KLHL5: variants seen among roughly 807,000 people sequenced by gnomAD.
KLHL5 encodes the protein kelch-like protein 5.
KLHL5 carries 48 observed loss-of-function variants against 77.7 expected under a neutral mutation model. That is an observed-to-expected ratio of 0.62 (90% CI 0.49 to 0.79). The LOEUF (loss-of-function observed/expected upper bound fraction) is 0.79. Ranked by LOEUF, KLHL5 falls within the 30% of genes least tolerant of loss-of-function variation. The pLI is 0.00. For missense variants in KLHL5, 723 were observed against 859.7 expected (o/e 0.84, Z 1.99); for synonymous variants, 260 against 297.0 (o/e 0.88, Z 1.28).
rs375740925 is a variant in KLHL5 at position 39,081,326 on chromosome 4, A to G, written c.703+87A>G. 2.3e-4 allele frequency: 263 copies of G among 1,164,166 alleles called. No individual in the cohort carries two copies. In the South Asian group the frequency reaches 4.5e-3, roughly 20 times the overall value. 72.1% of individuals were successfully genotyped at this position (1,164,166 alleles called of 1,614,324 possible). On this transcript the variant is annotated intron_variant, in intron 3 of 10. Coordinates refer to ENST00000504108, the MANE Select transcript of KLHL5 (RefSeq NM_015990.5). This position sits in a 1 kb window ranked among gnomAD's most constrained non-coding sequence, Gnocchi z 4.3. ...GATTTCTGTTTTTAGAAAGCATGCC[A>G]TAGCTAACAGTTAGTTCTGCTATTG...
intron 10 of KLHL5, chr4:39,116,176 C>A: frequency 3.5e-6 from 1 of 282,950 alleles, no homozygotes; most frequent in Non-Finnish European, 5.3e-6. Flanking sequence ...ACTAAAAATA[C>A]AAAAAAATTA....
chr4:39,110,047 C>T lies in KLHL5; in HGVS notation c.1688+2316C>T, dbSNP rs1722342102. 2.6e-5 allele frequency among the ~76,000 whole-genome samples: 4 copies of T among 152,166 alleles called. No homozygotes were observed. The South Asian group carries it at 8.3e-4, about 31-fold the overall frequency. On this transcript the variant is annotated intron_variant, in intron 8 of 10. Transcript: ENST00000504108. The stretch of plus-strand genomic sequence containing the variant: ...AATTGCTCAGGCTACCTTTAAGCCA[C>T]TGGCTGGCAAATATTTTTAGCAGTT...
intron 5 of KLHL5, among the ~76,000 whole-genome samples, chr4:39,095,085 C>A (rs757198544): frequency 3.3e-5 from 5 of 151,702 alleles, no homozygotes; most frequent in Non-Finnish European, 4.4e-5. Flanking sequence ...TAGAAAAATA[C>A]AATTGAAAAA....
intron 5 of KLHL5, among the ~76,000 whole-genome samples, chr4:39,090,839 A>G (rs1030774399): frequency 6.7e-6 from 1 of 149,482 alleles, no homozygotes; most frequent in Non-Finnish European, 1.5e-5. Flanking sequence ...GTCTCACTCT[A>G]TTTCCCAGGC....
At chr4:39,080,275 C>G (rs1034573455) in intron 2 of KLHL5, among the ~76,000 whole-genome samples, 2 of 152,108 alleles carry the variant, frequency 1.3e-5, no homozygotes, top group East Asian at 3.9e-4. Context: ...TCCTGTAATC[C>G]TAGCTCTTTG....
At chr4:39,119,658 G>A (rs1055977132) in intron 10 of KLHL5, among the ~76,000 whole-genome samples, 2 of 152,102 alleles carry the variant, frequency 1.3e-5, no homozygotes, top group African/African-American at 4.8e-5. Flanking sequence ...ATTTGTATAG[G>A]CACTAAAATG....
At chr4:39,119,126 C>A (rs879714878) in intron 10 of KLHL5, among the ~76,000 whole-genome samples, 15 of 152,166 alleles carry the variant, frequency 9.9e-5, no homozygotes, top group Non-Finnish European at 2.1e-4. Context: ...TAAGACCTAT[C>A]AGCCAGTTAT....
chr4:39,068,616 A>C (rs1034446328), intron 1 of KLHL5, among the ~76,000 whole-genome samples: 1 of 152,164 alleles, frequency 6.6e-6, no homozygotes. Flanking sequence ...AGTTCCCAGA[A>C]CTGCTGGGAA....
At chr4:39,049,985 G>A (rs1716512530) in intron 1 of KLHL5, among the ~76,000 whole-genome samples, 1 of 152,206 alleles carries the variant, frequency 6.6e-6, no homozygotes, top group Admixed American at 6.5e-5. Context: ...TGAGGCAGGA[G>A]AATCGCTTGA....
chr4:39,110,543 C>G (rs1228228847), intron 8 of KLHL5, among the ~76,000 whole-genome samples: 1 of 152,138 alleles, frequency 6.6e-6, no homozygotes, highest in Non-Finnish European at 1.5e-5. Flanking sequence ...ACTGCAGCCT[C>G]AACCTCCCTC....
Position 39,121,892 on chromosome 4 carries a change from T to C in KLHL5, c.*826T>C, listed in dbSNP as rs1723231410. 1 of 152,628 alleles carries C rather than the reference T, an allele frequency of 6.6e-6. No homozygotes were observed. Among genetic ancestry groups the C allele is most frequent in the South Asian group, 2.1e-4 (1 of 4,832 alleles). The allele number at this position is 152,628 out of a possible 1,614,324, so 9.5% of individuals were successfully genotyped here. On this transcript the variant is annotated 3_prime_UTR_variant, in exon 11 of 11. Coordinates refer to ENST00000504108, the MANE Select transcript of KLHL5 (RefSeq NM_015990.5). ...GATTTGTTTTATATTATAAAAGATG[T>C]TTTGATTTTGTCTTTTGATATTGAC...
intron 2 of KLHL5, among the ~76,000 whole-genome samples, chr4:39,079,827 AAATGAATG>A (rs529516918): frequency 1.3e-5 from 2 of 152,182 alleles, no homozygotes; most frequent in South Asian, 2.1e-4. Context: ...TTTGTTCATT[AAATGAATG>A]AATGAATGAA....
chr4:39,104,091 A>G (rs563173331), intron 7 of KLHL5, among the ~76,000 whole-genome samples: 6 of 152,146 alleles, frequency 3.9e-5, no homozygotes, highest in Non-Finnish European at 8.8e-5. Context: ...TCCCCCAAAT[A>G]ACAATAGAGA....
In KLHL5 at chr4:39,122,373, T is replaced by C. The variant is rs1234470583; in HGVS notation, c.*1307T>C. On this transcript the variant is annotated 3_prime_UTR_variant, in exon 11 of 11. Transcript: ENST00000504108. ...CTTATGAGGTAGTTCTATTCCCTTT[T>C]TATAGCTAAGGAAATTGGGGTACAG... Among the ~76,000 whole-genome samples the C allele has an allele frequency of 1.3e-5, 2 of 152,206 alleles. No individual in the cohort carries two copies. Among genetic ancestry groups the C allele is most frequent in the East Asian group, 1.9e-4 (1 of 5,202 alleles).
intron 1 of KLHL5, among the ~76,000 whole-genome samples, chr4:39,069,501 C>T (rs56218717): frequency 0.56 from 77,014 of 136,952 alleles, 22,553 homozygotes; most frequent in East Asian, 0.79. Context: ...CACACACACA[C>T]ATACATATTT....
chr4:39,075,161 A>G (rs1053452663), intron 1 of KLHL5, among the ~76,000 whole-genome samples: 3 of 152,070 alleles, frequency 2.0e-5, no homozygotes, highest in South Asian at 2.1e-4. Context: ...GAGAAACCCC[A>G]TCTCTACTAA....
At chr4:39,140,003 G>T in the KLHL5 span, among the ~76,000 whole-genome samples, 1 of 152,180 alleles carries the variant, frequency 6.6e-6, no homozygotes, top group Non-Finnish European at 1.5e-5. Context: ...GAAGCAGGCG[G>T]ATCACTTAAG....
chr4:39,140,024 C>G, the KLHL5 span, among the ~76,000 whole-genome samples: 2 of 152,070 alleles, frequency 1.3e-5, no homozygotes, highest in Non-Finnish European at 2.9e-5. Flanking sequence ...CTCAGGAGTT[C>G]GAGACCAGCC....
At chr4:39,136,671 C>T in the KLHL5 span, among the ~76,000 whole-genome samples, 5 of 152,248 alleles carry the variant, frequency 3.3e-5, no homozygotes, top group South Asian at 2.1e-4. Flanking sequence ...CAGCCTGGCC[C>T]GGACTGTCAG....
Sources: gnomAD v4.1 joint callset for allele counts (sites outside exome capture counted in the v4.1 genomes callset) on GRCh38, gnomAD v4.1.1 for gene constraint, Gnocchi (gnomAD v3.1) non-coding constraint, MANE v1.5 for transcripts, NCBI Gene and HGNC (gene_info 2026-07-23, HGNC 2026-07-21) for gene names.